RASA3: variants seen among roughly 807,000 people sequenced by gnomAD.
RASA3 encodes RAS p21 protein activator 3, also known as ras GTPase-activating protein 3.
A neutral mutation model predicts 110.0 loss-of-function variants in RASA3; 73 were observed. The ratio of observed to expected loss-of-function variants is 0.66; its 90% CI spans 0.55 to 0.81. RASA3 has a LOEUF of 0.81. Ranked by LOEUF, RASA3 falls within the 30% of genes least tolerant of loss-of-function variation. RASA3 has a pLI of 0.00. For synonymous variants in RASA3, 500 were observed against 451.4 expected (o/e 1.11, Z -1.37); for missense variants, 976 against 1,113.2 (o/e 0.88, Z 1.75).
At chr13:113,981,901 C>A in intron 22 of RASA3, 43 bp from the exon 23 acceptor site, 1 of 1,578,738 alleles carries the variant, frequency 6.3e-7, no homozygotes, top group East Asian at 2.2e-5. Flanking sequence ...GAGCCCAGGC[C>A]ACCGGCCCCG....
At chr13:114,075,613 C>T (rs549464495) in intron 1 of RASA3, among the ~76,000 whole-genome samples, 1 of 52,718 alleles carries the variant, frequency 1.9e-5, no homozygotes, top group South Asian at 6.6e-4. Flanking sequence ...CGAAGCCTCC[C>T]GTGTCCGCAC....
chr13:114,132,014 G>C (rs1032351892), intron 1 of RASA3, among the ~76,000 whole-genome samples: 12 of 152,134 alleles, frequency 7.9e-5, no homozygotes, highest in Non-Finnish European at 1.6e-4. Flanking sequence ...GAGAAAGGGA[G>C]ATGCCGAGAC....
At chr13:114,016,531 G>A (rs2053796014) in intron 12 of RASA3, among the ~76,000 whole-genome samples, 4 of 152,226 alleles carry the variant, frequency 2.6e-5, no homozygotes, top group Admixed American at 2.6e-4. Flanking sequence ...GGAGGGACAA[G>A]TGAGAGGTCA....
chr13:114,040,826 C>T (rs1017403779), intron 4 of RASA3, among the ~76,000 whole-genome samples, 174 bp downstream of exon 4: 14 of 152,086 alleles, frequency 9.2e-5, no homozygotes, highest in Admixed American at 3.9e-4. Context: ...AAATCCATGG[C>T]GGAGCCCGCG....
intron 1 of RASA3, among the ~76,000 whole-genome samples, chr13:114,120,925 C>G (rs914255501): frequency 2.0e-5 from 3 of 152,246 alleles, no homozygotes; most frequent in African/African-American, 7.2e-5. Flanking sequence ...ACATCTGTCT[C>G]ATTTGAATTC....
intron 8 of RASA3, among the ~76,000 whole-genome samples, chr13:114,022,071 A>C (rs1200945053): frequency 3.9e-5 from 6 of 152,148 alleles, no homozygotes; most frequent in African/African-American, 1.4e-4. Flanking sequence ...CCCTGTCTCC[A>C]TGGATTGCTC....
At chr13:114,034,032 G>A (rs1300122933) in intron 4 of RASA3, among the ~76,000 whole-genome samples, 1 of 152,332 alleles carries the variant, frequency 6.6e-6, no homozygotes, top group East Asian at 1.9e-4. Context: ...CTGGCAGCGG[G>A]CCTGCTATCC....
At chr13:114,098,040 C>T (rs956533726) in intron 1 of RASA3, among the ~76,000 whole-genome samples, 14 of 152,204 alleles carry the variant, frequency 9.2e-5, no homozygotes, top group South Asian at 4.1e-4. Context: ...CAGCTGAGCA[C>T]GCCGAGGGGC....
intron 1 of RASA3, among the ~76,000 whole-genome samples, chr13:114,092,971 T>C (rs1364725779): frequency 6.6e-6 from 1 of 152,222 alleles, no homozygotes; most frequent in East Asian, 1.9e-4. Flanking sequence ...TGATACCAAC[T>C]TACCTTTGAT....
At chr13:114,089,423 C>T (rs9590430) in intron 1 of RASA3, among the ~76,000 whole-genome samples, 39,701 of 151,338 alleles carry the variant, frequency 0.26, 5,292 homozygotes, top group East Asian at 0.31. Flanking sequence ...GGGCAGGAGG[C>T]GGCCACCTGA....
At position 114,125,055 on chromosome 13, in the gene RASA3, T is replaced by A. The variant is rs185074933; in HGVS notation, c.55+7380A>T. On this transcript the variant is annotated intron_variant, in intron 1 of 23. Coordinates refer to ENST00000334062, the MANE Select transcript of RASA3 (RefSeq NM_007368.4). ...CCCTGATCTGCGCACACTCATCTGA[T>A]CTGTGTTTATCATTCTTCTAGGGGG... Among the ~76,000 whole-genome samples, 5 of 152,246 alleles carry A rather than the reference T, an allele frequency of 3.3e-5. No individual in the cohort carries two copies. The East Asian group carries it at 9.7e-4, about 29-fold the overall frequency.
rs1200479395 is a variant in RASA3, at chr13:114,132,485, G to T, written c.5C>A (p.Ala2Glu). 6.7e-7 allele frequency: 1 copy of T among 1,485,506 alleles called. No individual in the cohort carries two copies. 92.0% of individuals were successfully genotyped at this position (1,485,506 alleles called of 1,614,324 possible). A position where few individuals can be genotyped will look rare whatever the true frequency, so the allele number is the denominator to read the frequency against. The change falls in exon 1 of 24, where the codon GCG becomes GAG. Residue 2 changes from alanine to glutamate, a missense_variant. By Grantham distance (107) the Ala-to-Glu change is moderately radical. This residue lies in a region of RASA3 where 732 missense variants were observed against 779.7 expected (regional missense o/e 0.94). Transcript: ENST00000334062. Reference sequence around the variant, plus strand: ...GACCCGGAGCCCCTCGTCCTCCACCGCCATGCTGCGCGTCCGCGCCCGCCG... The same window carrying T: ...GACCCGGAGCCCCTCGTCCTCCACCTCCATGCTGCGCGTCCGCGCCCGCCG... MAVEDEGLRVFQ... is the reference protein window; with the variant it reads MEVEDEGLRVFQ...
chr13:114,117,314 G>T (rs1172156024), intron 1 of RASA3, among the ~76,000 whole-genome samples: 1 of 118,022 alleles, frequency 8.5e-6, no homozygotes. Flanking sequence ...TGTGAGGGGT[G>T]CACGTGTGTG....
chr13:114,019,133 G>A (rs896627136), intron 9 of RASA3, among the ~76,000 whole-genome samples: 35 of 152,022 alleles, frequency 2.3e-4, no homozygotes, highest in African/African-American at 7.5e-4. Flanking sequence ...AGCCAAAGGC[G>A]CAGGAGTCAA....
chr13:114,093,844 T>C (rs146394432), intron 1 of RASA3, among the ~76,000 whole-genome samples: 16 of 152,330 alleles, frequency 1.1e-4, no homozygotes, highest in African/African-American at 7.2e-5. Flanking sequence ...TAATGCTCTC[T>C]CTTTCATTTT....
intron 20 of RASA3, among the ~76,000 whole-genome samples, chr13:113,997,371 CCACCAAGAAAGA>C (rs2053280047): frequency 6.6e-6 from 1 of 152,208 alleles, no homozygotes; most frequent in Non-Finnish European, 1.5e-5. Context: ...GAACCTGCAG[CCACCAAGAAAGA>C]CTAAACGAGG....
intron 4 of RASA3, among the ~76,000 whole-genome samples, chr13:114,039,062 C>T (rs1309501045): frequency 6.6e-6 from 1 of 152,254 alleles, no homozygotes; most frequent in Non-Finnish European, 1.5e-5. Flanking sequence ...GATGGGAAAA[C>T]TGAGGCCTGC....
intron 1 of RASA3, among the ~76,000 whole-genome samples, chr13:114,121,254 A>G (rs1418957397): frequency 6.6e-6 from 1 of 152,220 alleles, no homozygotes; most frequent in Admixed American, 6.5e-5. Flanking sequence ...TGCCCCAAAC[A>G]CATCCCGCCG....
Position 114,112,840 on chromosome 13 carries a change from G to A in RASA3, c.55+19595C>T, listed in dbSNP as rs115121658. 0.012 allele frequency among the ~76,000 whole-genome samples: 1,783 copies of A among 152,226 alleles called. 31 individuals carry two copies. Among genetic ancestry groups the A allele is most frequent in the African/African-American group, 0.038 (1,596 of 41,558 alleles). ...ATCTCTCAGCTCAAAGGGTTTCCAA[G>A]AGAATCCTCAGCAAAAAAGCAACAC... On this transcript the variant is annotated intron_variant, in intron 1 of 23. Transcript: ENST00000334062. This position sits in a 1 kb window ranked among gnomAD's most constrained non-coding sequence, Gnocchi z 4.8.
Sources: allele counts gnomAD v4.1 joint callset (sites outside exome capture counted in the v4.1 genomes callset), GRCh38; gene constraint gnomAD v4.1.1; regional missense constraint gnomAD v4.1.1; non-coding constraint Gnocchi (gnomAD v3.1); transcripts MANE v1.5; gene names NCBI Gene and HGNC (gene_info 2026-07-23, HGNC 2026-07-21).